The following DGKB variants were observed in gnomAD, a reference collection of about 807,000 sequenced individuals.
DGKB encodes 90 kDa diacylglycerol kinase.
In DGKB, 67 loss-of-function variants were observed where a neutral mutation model predicts 114.3. The ratio of observed to expected loss-of-function variants is 0.59; its 90% CI spans 0.48 to 0.72. The LOEUF is 0.72. DGKB is among the 30% of genes least tolerant of loss of function. The pLI, the probability that DGKB is intolerant of heterozygous loss-of-function variation, is 0.00. For synonymous variants in DGKB, 398 were observed against 323.1 expected, an observed-to-expected ratio of 1.23 and a Z score of -2.49; for missense variants, 907 against 975.2, an observed-to-expected ratio of 0.93 and a Z score of 0.93.
At chr7:14,912,774 T>C (rs1784059393) in intron 1 of DGKB, among the ~76,000 whole-genome samples, 1 of 152,090 alleles carries the variant, frequency 6.6e-6, no homozygotes, top group African/African-American at 2.4e-5. Flanking sequence ...CCAGGCTCCA[T>C]TTCTCTTGTA....
At chr7:14,205,375 C>A (rs1786606905) in intron 23 of DGKB, among the ~76,000 whole-genome samples, 2 of 151,764 alleles carry the variant, frequency 1.3e-5, no homozygotes, top group African/African-American at 4.8e-5. Context: ...CCATCAGAAT[C>A]TTTCCTATCT....
chr7:14,719,911 G>C (rs1564007040), intron 5 of DGKB, among the ~76,000 whole-genome samples: 2 of 152,090 alleles, frequency 1.3e-5, no homozygotes, highest in South Asian at 2.1e-4. Flanking sequence ...GTGAGGTAGA[G>C]TGCATTTTCC....
intron 20 of DGKB, among the ~76,000 whole-genome samples, chr7:14,550,685 A>G (rs1360077634): frequency 1.3e-5 from 2 of 152,282 alleles, no homozygotes; most frequent in African/African-American, 4.8e-5. Flanking sequence ...CAATTTCTCA[A>G]ATGTAAACTC....
intron 20 of DGKB, among the ~76,000 whole-genome samples, chr7:14,492,931 G>T (rs1194786413): frequency 6.6e-6 from 1 of 151,994 alleles, no homozygotes. Context: ...GTCAAATTTT[G>T]CAAACATGGA....
intron 23 of DGKB, among the ~76,000 whole-genome samples, chr7:14,180,711 G>A (rs1168043245): frequency 6.6e-6 from 1 of 152,154 alleles, no homozygotes; most frequent in Non-Finnish European, 1.5e-5. Flanking sequence ...CAATCTGTCT[G>A]TATACAATTG....
At chr7:14,278,117 T>A (rs997492708) in intron 23 of DGKB, among the ~76,000 whole-genome samples, 2 of 152,144 alleles carry the variant, frequency 1.3e-5, no homozygotes, top group African/African-American at 4.8e-5. Flanking sequence ...AAAATCCCAA[T>A]GCCATTTTGG....
At chr7:14,689,780 T>C (rs1334649787) in intron 9 of DGKB, among the ~76,000 whole-genome samples, 1 of 152,222 alleles carries the variant, frequency 6.6e-6, no homozygotes, top group Non-Finnish European at 1.5e-5. Context: ...TTAAAAACTT[T>C]TAAAAATCGA....
chr7:14,495,170 C>A (rs769072794), intron 20 of DGKB, among the ~76,000 whole-genome samples: 1 of 151,784 alleles, frequency 6.6e-6, no homozygotes, highest in Non-Finnish European at 1.5e-5. Flanking sequence ...CTTCCTGATA[C>A]ACACAATGGA....
chr7:14,827,871 G>T (rs1845906923), intron 2 of DGKB, among the ~76,000 whole-genome samples: 1 of 151,662 alleles, frequency 6.6e-6, no homozygotes, highest in Admixed American at 6.6e-5. Flanking sequence ...GAAAGTTATA[G>T]GGAAAGAAAA....
intron 1 of DGKB, among the ~76,000 whole-genome samples, chr7:14,971,738 T>C (rs2115308372): frequency 6.6e-6 from 1 of 151,950 alleles, no homozygotes; most frequent in East Asian, 1.9e-4. Flanking sequence ...TACCTAAACT[T>C]GCCTACAAAA....
intron 16 of DGKB, among the ~76,000 whole-genome samples, chr7:14,608,546 A>G (rs1804942190): frequency 6.6e-6 from 1 of 152,000 alleles, no homozygotes; most frequent in African/African-American, 2.4e-5. Context: ...GCCCACTCTC[A>G]CCACTCCTAT....
At chr7:14,220,972 G>A (rs1221397048) in intron 23 of DGKB, among the ~76,000 whole-genome samples, 1 of 150,552 alleles carries the variant, frequency 6.6e-6, no homozygotes, top group African/African-American at 2.4e-5. Flanking sequence ...TTTTTGTTGT[G>A]TTGCAAGGGT....
At chr7:14,665,683 T>C (rs1454829068) in intron 13 of DGKB, among the ~76,000 whole-genome samples, 1 of 152,080 alleles carries the variant, frequency 6.6e-6, no homozygotes, top group African/African-American at 2.4e-5. Flanking sequence ...ATGAGATATC[T>C]CAAGTCTTCT....
chr7:14,568,848 T>C (rs1304299272), intron 20 of DGKB, among the ~76,000 whole-genome samples: 1 of 152,186 alleles, frequency 6.6e-6, no homozygotes, highest in Non-Finnish European at 1.5e-5. Flanking sequence ...GTTGAAATAA[T>C]GAAAACAATA....
chr7:14,505,065 C>A (rs1344021642), intron 20 of DGKB, among the ~76,000 whole-genome samples: 1 of 152,184 alleles, frequency 6.6e-6, no homozygotes, highest in Non-Finnish European at 1.5e-5. Flanking sequence ...CCTGGCCTCA[C>A]TGAAGGCATA....
rs919502854 is a variant in DGKB at position 14,704,997 on chromosome 7, G to C, written c.467-3267C>G. ...TGACTTTGACGAGCTGAGAGAAGAA[G>C]GCTTCAGACGATCAAATTACTCTGA... On this transcript the variant is annotated intron_variant, in intron 6 of 25. Coordinates refer to ENST00000402815, the MANE Select transcript of DGKB (RefSeq NM_001350709.2). Among the ~76,000 whole-genome samples, 197 of 151,912 alleles carry C rather than the reference G, an allele frequency of 1.3e-3. 2 individuals carry two copies. Among genetic ancestry groups the C allele is most frequent in the African/African-American group, 4.7e-3 (193 of 41,484 alleles).
intron 2 of DGKB, among the ~76,000 whole-genome samples, chr7:14,821,144 T>C (rs754722434): frequency 6.6e-6 from 1 of 151,994 alleles, no homozygotes; most frequent in Non-Finnish European, 1.5e-5. Context: ...GTTAGAAGAG[T>C]TTATTTTTGT....
chr7:14,407,794 A>G (rs1466588395), intron 21 of DGKB, among the ~76,000 whole-genome samples: 1 of 152,128 alleles, frequency 6.6e-6, no homozygotes, highest in Non-Finnish European at 1.5e-5. Flanking sequence ...CATGTGCTTC[A>G]GTGGACTTTG....
intron 23 of DGKB, among the ~76,000 whole-genome samples, chr7:14,280,863 C>T (rs990743763): frequency 1.3e-5 from 2 of 151,708 alleles, no homozygotes; most frequent in Non-Finnish European, 2.9e-5. Flanking sequence ...GAAGGAAGGG[C>T]TAAACATGGA....
Sources: gnomAD v4.1 joint callset for allele counts (sites outside exome capture counted in the v4.1 genomes callset) on GRCh38, gnomAD v4.1.1 for gene constraint, MANE v1.5 for transcripts, NCBI Gene and HGNC (gene_info 2026-07-23, HGNC 2026-07-21) for gene names.